MEIG1: variants seen among roughly 807,000 people sequenced by gnomAD.
MEIG1 encodes meiosis/spermiogenesis associated 1.
Under a neutral mutation model 11.3 loss-of-function variants are expected in MEIG1, and 12 were observed. That is an observed-to-expected ratio of 1.07 (90% CI 0.68 to 1.73). The LOEUF is 1.73. Ranked by LOEUF, MEIG1 falls within the 40% of genes most tolerant of loss-of-function variation. The pLI is 0.00. For synonymous variants in MEIG1, 41 were observed against 33.2 expected, an observed-to-expected ratio of 1.24 and a Z score of -0.81; for missense variants, 119 against 104.9, an observed-to-expected ratio of 1.13 and a Z score of -0.59.
chr10:14,955,775 T>G (rs900631361), upstream of MEIG1, among the ~76,000 whole-genome samples: 1 of 152,110 alleles, frequency 6.6e-6, no homozygotes, highest in Admixed American at 6.5e-5. Flanking sequence ...CAGAGTTCTA[T>G]TCAAATACAG....
At chr10:14,971,949 T>G (rs1453339997) in intron 2 of MEIG1, among the ~76,000 whole-genome samples, 2 of 151,716 alleles carry the variant, frequency 1.3e-5, no homozygotes, top group Non-Finnish European at 2.9e-5. Context: ...AGACTCTGTC[T>G]CCAAAATAAA....
At chr10:14,964,775 C>A (rs1418489856) in intron 1 of MEIG1, among the ~76,000 whole-genome samples, 4 of 130,174 alleles carry the variant, frequency 3.1e-5, no homozygotes, top group Non-Finnish European at 4.8e-5. Flanking sequence ...CCTGCTACCA[C>A]GCCCAGTTCA....
intron 1 of MEIG1, among the ~76,000 whole-genome samples, chr10:14,983,357 G>C (rs1843284355): frequency 6.6e-6 from 1 of 151,882 alleles, no homozygotes; most frequent in Non-Finnish European, 1.5e-5. Flanking sequence ...AGGGGGAGAG[G>C]GTGATATTAC....
At position 14,987,181 on chromosome 10, in the gene MEIG1, G is replaced by A. The variant is rs1043971315; in HGVS notation, n.285+167G>A. On this transcript the variant is annotated intron_variant and non_coding_transcript_variant, in intron 2 of 2. Coordinates refer to the MEIG1 transcript ENST00000467536. ...AGATGACTCTGCTATGCGACTGCAT[G>A]TCCACAGTCACCTTGGGAACCGTGG... 63 of 962,602 alleles carry A rather than the reference G, an allele frequency of 6.5e-5. No individual in the cohort carries two copies. In the African/African-American group the frequency reaches 9.1e-4, roughly 14 times the overall value. The allele number at this position is 962,602 out of a possible 1,614,324, so 59.6% of individuals were successfully genotyped here. A position where few individuals can be genotyped will look rare whatever the true frequency, so the allele number is the denominator to read the frequency against.
chr10:14,972,621 G>A lies in MEIG1; in HGVS notation c.247G>A (p.Val83Met), dbSNP rs1843165807. The change falls in exon 3 of 3, where the codon GTG becomes ATG. Residue 83 changes from valine to methionine, a missense_variant. Val to Met is a conservative substitution (Grantham distance 21). Coordinates refer to ENST00000407572, the MANE Select transcript of MEIG1 (RefSeq NM_001080836.3). ...RECDDKEVHKVKIYAY is the reference protein window; with the variant it reads ...RECDDKEVHKMKIYAY Reference sequence around the variant, plus strand: ...ATGTGATGACAAAGAAGTCCACAAAGTGAAAATTTATGCTTACTAGCCTGT... The same window carrying A: ...ATGTGATGACAAAGAAGTCCACAAAATGAAAATTTATGCTTACTAGCCTGT... 2 of 1,611,276 alleles carry A rather than the reference G, an allele frequency of 1.2e-6. No individual in the cohort carries two copies. The highest frequency in any genetic ancestry group is 1.3e-5 in the African/African-American group (1 of 74,814).
intron 1 of MEIG1, among the ~76,000 whole-genome samples, chr10:14,985,594 C>T (rs1015999245): frequency 6.6e-6 from 1 of 151,936 alleles, no homozygotes; most frequent in Non-Finnish European, 1.5e-5. Context: ...CGGGGTGAGG[C>T]GGTGTACATC....
intron 2 of MEIG1, among the ~76,000 whole-genome samples, chr10:14,968,977 C>T (rs1843119514): frequency 6.6e-6 from 1 of 151,890 alleles, no homozygotes; most frequent in Non-Finnish European, 1.5e-5. Context: ...ATTCGGGAGG[C>T]CGAGGCAGGA....
At chr10:14,966,822 C>CT (rs1843090068) in intron 2 of MEIG1, among the ~76,000 whole-genome samples, 1 of 152,164 alleles carries the variant, frequency 6.6e-6, no homozygotes, top group Admixed American at 6.5e-5. Context: ...CACACTCCAC[C>CT]TCCCGGATTC....
At chr10:14,980,719 C>G (rs181303002) in intron 1 of MEIG1, among the ~76,000 whole-genome samples, 1 of 152,216 alleles carries the variant, frequency 6.6e-6, no homozygotes, top group African/African-American at 2.4e-5. Context: ...AACGCCTCAC[C>G]GAAGATGGTG....
At chr10:14,965,518 T>G (rs1274409537) in intron 1 of MEIG1, among the ~76,000 whole-genome samples, 1 of 152,154 alleles carries the variant, frequency 6.6e-6, no homozygotes, top group East Asian at 1.9e-4. Context: ...TTTCTCACAT[T>G]AGTTCATCAA....
At chr10:14,974,170 G>T (rs1843186049), downstream of MEIG1, among the ~76,000 whole-genome samples, 2 of 152,030 alleles carry the variant, frequency 1.3e-5, no homozygotes, top group South Asian at 4.2e-4. Context: ...TTTCATGTGG[G>T]TCCATCTGGG....
Position 14,983,755 on chromosome 10 carries a change from G to A in MEIG1, n.67-3041G>A, listed in dbSNP as rs138698890. On this transcript the variant is annotated intron_variant and non_coding_transcript_variant, in intron 1 of 2. Transcript: ENST00000467536. Reference sequence around the variant, plus strand: ...GGGGAGGATAATATTCTTCTTAATAGCGCAGGGTGTGTATATCCCCCCAGT... The same window carrying A: ...GGGGAGGATAATATTCTTCTTAATAACGCAGGGTGTGTATATCCCCCCAGT... Among the ~76,000 whole-genome samples, 235 of 152,068 alleles carry A rather than the reference G, an allele frequency of 1.5e-3. 1 individual carries two copies. The highest frequency in any genetic ancestry group is 6.8e-3 in the Middle Eastern group (2 of 294).
downstream of MEIG1, among the ~76,000 whole-genome samples, chr10:14,974,736 TTAA>T (rs1589213176): frequency 6.6e-6 from 1 of 152,144 alleles, no homozygotes. Context: ...ATGATTAATA[TTAA>T]TGATTAATGA....
chr10:14,969,257 G>C (rs1304268891), intron 2 of MEIG1, among the ~76,000 whole-genome samples: 1 of 151,612 alleles, frequency 6.6e-6, no homozygotes, highest in Non-Finnish European at 1.5e-5. Context: ...GACCAGTCTG[G>C]GTGACATAGT....
chr10:14,972,896 C>T (rs996375563), downstream of MEIG1: 25 of 296,358 alleles, frequency 8.4e-5, no homozygotes, highest in Non-Finnish European at 1.1e-4. Context: ...GACAGAGTCT[C>T]GCTCTGTCGC....
At chr10:14,964,641 T>TTTC (rs1843058447) in intron 1 of MEIG1, among the ~76,000 whole-genome samples, 1 of 131,866 alleles carries the variant, frequency 7.6e-6, no homozygotes, top group East Asian at 2.1e-4. Flanking sequence ...GTATACTTTT[T>TTTC]TTTTTTTTTT....
intron 1 of MEIG1, among the ~76,000 whole-genome samples, chr10:14,962,545 A>C (rs759203838): frequency 1.3e-5 from 2 of 152,224 alleles, no homozygotes; most frequent in Non-Finnish European, 2.9e-5. Flanking sequence ...TTTTATGTAT[A>C]GTTGCCATAA....
At chr10:14,956,142 A>G (rs572042569), upstream of MEIG1, among the ~76,000 whole-genome samples, 41 of 152,368 alleles carry the variant, frequency 2.7e-4, no homozygotes, top group African/African-American at 8.9e-4. Flanking sequence ...GATAGAAAAT[A>G]GGCAAGATAG....
At chr10:14,987,370 A>C (rs367743950) in intron 2 of MEIG1, 1 of 774,096 alleles carries the variant, frequency 1.3e-6, no homozygotes, top group Non-Finnish European at 2.4e-6. Flanking sequence ...AAGCGAGGAC[A>C]GGCTGCAGTT....
Sources: allele counts gnomAD v4.1 joint callset (sites outside exome capture counted in the v4.1 genomes callset), GRCh38; gene constraint gnomAD v4.1.1; transcripts MANE v1.5; gene names NCBI Gene and HGNC (gene_info 2026-07-23, HGNC 2026-07-21).